The following EML4 variants were observed in gnomAD, a reference collection of about 807,000 sequenced individuals.
EML4 encodes the protein EMAP like 4.
In EML4, 72 loss-of-function variants were observed where a neutral mutation model predicts 129.0. The ratio of observed to expected loss-of-function variants is 0.56; its 90% CI spans 0.46 to 0.68. EML4 has a LOEUF of 0.68. Among genes scored for constraint, EML4 ranks in the 30% least tolerant of loss-of-function variants. EML4 has a pLI of 0.00. For synonymous variants in EML4, 532 were observed against 405.0 expected, an observed-to-expected ratio of 1.31 and a Z score of -3.77; for missense variants, 1,363 against 1,190.6, an observed-to-expected ratio of 1.14 and a Z score of -2.13.
chr2:42,205,769 T>G (rs1157894535), intron 1 of EML4, among the ~76,000 whole-genome samples: 2 of 152,264 alleles, frequency 1.3e-5, no homozygotes, highest in African/African-American at 4.8e-5. Context: ...AATCCTATTT[T>G]CTTTGGGTTA....
At chr2:42,213,503 A>G (rs909484737) in intron 1 of EML4, among the ~76,000 whole-genome samples, 3 of 152,248 alleles carry the variant, frequency 2.0e-5, no homozygotes, top group African/African-American at 4.8e-5. Flanking sequence ...AATGAACTAC[A>G]TTAGGGTTAA....
chr2:42,188,635 T>A (rs1671406306), intron 1 of EML4, among the ~76,000 whole-genome samples: 1 of 152,154 alleles, frequency 6.6e-6, no homozygotes, highest in East Asian at 1.9e-4. Flanking sequence ...AGCCTCTGCC[T>A]CCTGTGTTAG....
intron 16 of EML4, among the ~76,000 whole-genome samples, 182 bp from the exon 17 acceptor site, chr2:42,304,302 A>AT (rs1668470132): frequency 6.6e-6 from 1 of 152,264 alleles, no homozygotes; most frequent in African/African-American, 2.4e-5. Context: ...CTCTGCCAGC[A>AT]TATCCCCTTC....
Position 42,284,639 on chromosome 2 carries a change from C to T in EML4, c.947C>T (p.Ala316Val). ...LGHTDCVKCL[A>V]IHPDKIRIAT... ...TTCTTAATACTGCTTTTTAGCCTTG[C>T]TATACATCCTGACAAAATTAGGATT... Residue 316 changes from alanine (A) to valine (V), a missense_variant, in exon 9 of 23, where the codon GCT becomes GTT. By Grantham distance (64) the Ala-to-Val change is moderately conservative. Coordinates refer to ENST00000318522, the MANE Select transcript of EML4 (RefSeq NM_019063.5). 4.3e-6 allele frequency: 7 copies of T among 1,611,004 alleles called. No homozygotes were observed. The highest frequency in any genetic ancestry group is 5.1e-6 in the Non-Finnish European group (6 of 1,178,224).
intron 1 of EML4, among the ~76,000 whole-genome samples, chr2:42,231,334 C>G (rs1217439868): frequency 6.6e-6 from 1 of 152,186 alleles, no homozygotes; most frequent in Non-Finnish European, 1.5e-5. Flanking sequence ...TCCAAGTCAT[C>G]AATTCTCACA....
chr2:42,190,435 G>A (rs1416627584), intron 1 of EML4, among the ~76,000 whole-genome samples: 1 of 152,064 alleles, frequency 6.6e-6, no homozygotes, highest in East Asian at 1.9e-4. Flanking sequence ...TGGATGTAAG[G>A]GACGAAGAAA....
In EML4 at chr2:42,329,795, A is replaced by G. The variant is rs370089045; in HGVS notation, c.2534A>G (p.Asn845Ser). 9.0e-5 allele frequency: 145 copies of G among 1,614,168 alleles called. No individual in the cohort carries two copies. The highest frequency in any genetic ancestry group is 3.3e-4 in the Middle Eastern group (2 of 6,062). ...SHVTNVSFTH[N>S]DSHLISTGGK... Reference sequence around the variant, plus strand: ...GTCACCAATGTCAGTTTTACTCACAATGACAGTCACCTGATATCAACTGGT... The same window carrying G: ...GTCACCAATGTCAGTTTTACTCACAGTGACAGTCACCTGATATCAACTGGT... Residue 845 changes from asparagine (N) to serine (S), a missense_variant, in exon 23 of 23, where the codon AAT becomes AGT. Transcript: ENST00000318522.
chr2:42,229,769 G>T (rs1674205570), intron 1 of EML4, among the ~76,000 whole-genome samples: 1 of 152,076 alleles, frequency 6.6e-6, no homozygotes, highest in Non-Finnish European at 1.5e-5. Context: ...GCCCACTAAT[G>T]CGAGAACATC....
At chr2:42,202,491 T>C (rs1056681790) in intron 1 of EML4, among the ~76,000 whole-genome samples, 1 of 152,144 alleles carries the variant, frequency 6.6e-6, no homozygotes, top group Non-Finnish European at 1.5e-5. Context: ...TATTAAGGAA[T>C]ATTGACTCAC....
At chr2:42,259,059 C>T (rs1235068687) in intron 3 of EML4, among the ~76,000 whole-genome samples, 1 of 152,044 alleles carries the variant, frequency 6.6e-6, no homozygotes, top group East Asian at 1.9e-4. Context: ...CCAGTCTGGC[C>T]AACATGGTGT....
At position 42,330,331 on chromosome 2, in the gene EML4, G is replaced by T. The variant is rs889847473; in HGVS notation, c.*124G>T. ...TGAGATTTTGGTTTCCATGTGATTT[G>T]TTTTCTTCAATAGTCTTATTTTCAG... On this transcript the variant is annotated 3_prime_UTR_variant, in exon 23 of 23. Transcript: ENST00000318522. 1.8e-5 allele frequency: 15 copies of T among 852,708 alleles called. No homozygotes were observed. Among genetic ancestry groups the T allele is most frequent in the Non-Finnish European group, 2.9e-5 (15 of 519,506 alleles). 52.8% of individuals were successfully genotyped at this position (852,708 alleles called of 1,614,324 possible). A position where few individuals can be genotyped will look rare whatever the true frequency, so the allele number is the denominator to read the frequency against.
intron 6 of EML4, among the ~76,000 whole-genome samples, chr2:42,274,025 C>G (rs1666519577): frequency 5.9e-5 from 9 of 152,084 alleles, no homozygotes; most frequent in Admixed American, 3.9e-4. Context: ...CAAAAATGGT[C>G]CTTGTCACTT....
chr2:42,295,908 A>G (rs1667921906), intron 13 of EML4, among the ~76,000 whole-genome samples: 1 of 152,100 alleles, frequency 6.6e-6, no homozygotes, highest in South Asian at 2.1e-4. Context: ...TCATAGTTCA[A>G]TCCACTTCTC....
chr2:42,277,508 C>T (rs1666722469), intron 6 of EML4, among the ~76,000 whole-genome samples: 1 of 152,026 alleles, frequency 6.6e-6, no homozygotes, highest in Admixed American at 6.5e-5. Context: ...AACTCTGAGG[C>T]CAACTACACT....
In EML4 at chr2:42,329,887, G is replaced by C. The variant is rs1670008178; in HGVS notation, c.2626G>C (p.Val876Leu). Residue 876 changes from valine to leucine, a missense_variant, in exon 23 of 23, where the codon GTA (valine) becomes CTA (leucine). Coordinates refer to ENST00000318522, the MANE Select transcript of EML4 (RefSeq NM_019063.5). Reference sequence around the variant, plus strand: ...GTTATCTTTGCCTCAGAATGAGACTGTAGCGGATACTACTCTAACCAAAGC... The same window carrying C: ...GTTATCTTTGCCTCAGAATGAGACTCTAGCGGATACTACTCTAACCAAAGC... ...EKLSLPQNET[V>L]ADTTLTKAPV... 6.2e-7 allele frequency: 1 copy of C among 1,614,100 alleles called. No homozygotes were observed. Among genetic ancestry groups the C allele is most frequent in the Non-Finnish European group, 8.5e-7 (1 of 1,180,028 alleles).
intron 1 of EML4, among the ~76,000 whole-genome samples, chr2:42,223,785 C>G (rs1673773928): frequency 1.3e-5 from 2 of 152,194 alleles, no homozygotes. Context: ...GCATAATAGT[C>G]TCTTAAGAAA....
At position 42,286,406 on chromosome 2, in the gene EML4, G is replaced by A. The variant is rs375904573; in HGVS notation, c.1122+27G>A. The A allele has an allele frequency of 6.6e-6, 9 of 1,353,446 alleles. No individual in the cohort carries two copies. The Admixed American group carries it at 6.7e-5, about 10-fold the overall frequency. 83.8% of individuals were successfully genotyped at this position (1,353,446 alleles called of 1,614,324 possible). A position where few individuals can be genotyped will look rare whatever the true frequency, so the allele number is the denominator to read the frequency against. The stretch of plus-strand genomic sequence containing the variant: ...TAAGTAACAATTTTTAGAGAAGTAA[G>A]CAAGCTGAACAAAAAAGCAGGAAAG... On this transcript the variant is annotated intron_variant, in intron 10 of 22. Coordinates refer to ENST00000318522, the MANE Select transcript of EML4 (RefSeq NM_019063.5).
At chr2:42,190,621 C>T (rs1294495526) in intron 1 of EML4, among the ~76,000 whole-genome samples, 2 of 152,260 alleles carry the variant, frequency 1.3e-5, no homozygotes, top group Non-Finnish European at 2.9e-5. Context: ...ACATCTCAGA[C>T]ATTGGAAAGG....
intron 17 of EML4, among the ~76,000 whole-genome samples, chr2:42,312,266 C>G (rs1027516210): frequency 1.2e-4 from 18 of 151,328 alleles, no homozygotes; most frequent in African/African-American, 2.2e-4. Flanking sequence ...AATTCTAAGC[C>G]CCCCCCCACC....
Sources: gnomAD v4.1 joint callset for allele counts (sites outside exome capture counted in the v4.1 genomes callset) on GRCh38, gnomAD v4.1.1 for gene constraint, MANE v1.5 for transcripts, NCBI Gene and HGNC (gene_info 2026-07-23, HGNC 2026-07-21) for gene names.